Variants in TRMT9B observed in about 807,000 individuals in gnomAD.
The protein encoded by TRMT9B is tRNA methyltransferase 9B (putative).
In TRMT9B, 16 loss-of-function variants were observed where a neutral mutation model predicts 11.5. The ratio of observed to expected loss-of-function variants is 1.39; its 90% CI spans 0.94 to 2.11. The LOEUF is 2.11. TRMT9B is among the 30% of genes most tolerant of loss of function. The probability of loss-of-function intolerance (pLI) is 0.00; values close to 1 mark genes in which losing one functional copy is unlikely to be tolerated. For synonymous variants in TRMT9B, 274 were observed against 192.4 expected (o/e 1.42, Z -3.51); for missense variants, 941 against 553.8 (o/e 1.70, Z -7.02).
intron 3 of TRMT9B, chr8:13,006,841 G>C (rs1041492590): frequency 9.1e-6 from 2 of 220,086 alleles, no homozygotes; most frequent in African/African-American, 2.3e-5. Context: ...GCTAATTTTT[G>C]TATTTTTAGT....
intron 4 of TRMT9B, among the ~76,000 whole-genome samples, chr8:13,014,930 G>A (rs1220415898): frequency 6.6e-6 from 1 of 151,944 alleles, no homozygotes; most frequent in Non-Finnish European, 1.5e-5. Context: ...GCATGGTGGT[G>A]AGCACTTGTA....
intron 4 of TRMT9B, among the ~76,000 whole-genome samples, chr8:13,015,144 G>T (rs1311123863): frequency 6.6e-6 from 1 of 151,410 alleles, no homozygotes; most frequent in Non-Finnish European, 1.5e-5. Context: ...GTCTTCTTTT[G>T]TCTACACTCA....
chr8:13,018,026 A>G (rs1010003239), intron 4 of TRMT9B, among the ~76,000 whole-genome samples: 1 of 151,062 alleles, frequency 6.6e-6, no homozygotes, highest in African/African-American at 2.4e-5. Context: ...CCTGGGTGAA[A>G]TTATGCTGTT....
chr8:12,987,607 A>G (rs796247205), intron 1 of TRMT9B, among the ~76,000 whole-genome samples: 13 of 152,096 alleles, frequency 8.5e-5, no homozygotes, highest in African/African-American at 3.1e-4. Flanking sequence ...CAGGAGGATC[A>G]TTTGCACCTG....
At position 13,012,935 on chromosome 8, in the gene TRMT9B, A is replaced by G. The variant is rs1382491664; in HGVS notation, c.328+78A>G. ...GTTTAGTCCGTTCTCATGACTCAAC[A>G]TCCGTTCTGTGTAGAAATGTCAATG... On this transcript the variant is annotated intron_variant, in intron 4 of 4. Coordinates refer to ENST00000524591, the MANE Select transcript of TRMT9B (RefSeq NM_020844.3). The G allele has an allele frequency of 2.7e-6, 4 of 1,493,270 alleles. No individual in the cohort carries two copies. In the African/African-American group the frequency reaches 4.2e-5, roughly 16 times the overall value. 92.5% of individuals were successfully genotyped at this position (1,493,270 alleles called of 1,614,324 possible).
Position 12,969,105 on chromosome 8 carries a change from C to T in TRMT9B, c.-199-21729C>T, listed in dbSNP as rs145607736. On this transcript the variant is annotated intron_variant, in intron 1 of 4. Coordinates refer to ENST00000524591, the MANE Select transcript of TRMT9B (RefSeq NM_020844.3). ...GCATGCACCTGTAATTCTAGCTACT[C>T]GGGAGGCTGAGGCAGGAGAATCGCT... Among the ~76,000 whole-genome samples the T allele has an allele frequency of 4.2e-3, 645 of 152,178 alleles. 4 individuals carry two copies. Among genetic ancestry groups the T allele is most frequent in the African/African-American group, 0.015 (624 of 41,528 alleles).
intron 1 of TRMT9B, among the ~76,000 whole-genome samples, chr8:12,957,211 G>A (rs559803066): frequency 6.6e-6 from 1 of 152,186 alleles, no homozygotes; most frequent in Non-Finnish European, 1.5e-5. Context: ...GCAACAAAAA[G>A]GTAGCCAAGA....
chr8:12,959,288 A>G (rs1488903203), intron 1 of TRMT9B, among the ~76,000 whole-genome samples: 1 of 152,122 alleles, frequency 6.6e-6, no homozygotes, highest in Non-Finnish European at 1.5e-5. Flanking sequence ...GAAAAATCCC[A>G]CACCTGACTT....
chr8:12,978,421 A>G (rs1280434272), intron 1 of TRMT9B, among the ~76,000 whole-genome samples: 1 of 152,088 alleles, frequency 6.6e-6, no homozygotes, highest in Non-Finnish European at 1.5e-5. Context: ...GCTTTTCTTT[A>G]CCTACAACTG....
chr8:12,966,347 A>G (rs2128865897), intron 1 of TRMT9B, among the ~76,000 whole-genome samples: 1 of 152,268 alleles, frequency 6.6e-6, no homozygotes, highest in South Asian at 2.1e-4. Flanking sequence ...GTGGATGCAG[A>G]CACTTTGTTA....
intron 3 of TRMT9B, chr8:13,011,717 C>G: frequency 1.0e-6 from 1 of 975,412 alleles, no homozygotes; most frequent in South Asian, 4.7e-5. Flanking sequence ...GTCTCTGCTA[C>G]TGGAAAGTGA....
chr8:12,974,491 T>A (rs185862161), intron 1 of TRMT9B, among the ~76,000 whole-genome samples: 2 of 152,154 alleles, frequency 1.3e-5, no homozygotes, highest in Admixed American at 1.3e-4. Flanking sequence ...TGCCTGAATT[T>A]CATTCAAGGG....
chr8:12,949,327 C>A (rs995716701), intron 1 of TRMT9B, among the ~76,000 whole-genome samples: 10 of 152,130 alleles, frequency 6.6e-5, no homozygotes, highest in Non-Finnish European at 1.3e-4. Context: ...CCCATGTGTA[C>A]ACCCAGCATC....
chr8:13,019,345 G>T (rs888302475), intron 4 of TRMT9B, among the ~76,000 whole-genome samples: 1 of 152,208 alleles, frequency 6.6e-6, no homozygotes, highest in Non-Finnish European at 1.5e-5. Context: ...AGACTGGACT[G>T]CAGTGGCATG....
At position 13,022,614 on chromosome 8, in the gene TRMT9B, A is replaced by G. The variant is rs1814140703; in HGVS notation, c.*570A>G. ...GAGAGAAACAAGAAGTTTTACAAGGACTTTACTAAATTATAAGCAAACTTG... is the reference window on the plus strand; with the variant it reads ...GAGAGAAACAAGAAGTTTTACAAGGGCTTTACTAAATTATAAGCAAACTTG... On this transcript the variant is annotated 3_prime_UTR_variant, in exon 5 of 5. Transcript: ENST00000524591. 2 of 167,138 alleles carry G rather than the reference A, an allele frequency of 1.2e-5. No individual in the cohort carries two copies. Among genetic ancestry groups the G allele is most frequent in the Admixed American group, 6.5e-5 (1 of 15,296 alleles). 10.4% of individuals were successfully genotyped at this position (167,138 alleles called of 1,614,324 possible). A position where few individuals can be genotyped will look rare whatever the true frequency, so the allele number is the denominator to read the frequency against.
At chr8:12,954,224 A>G (rs1256006775) in intron 1 of TRMT9B, among the ~76,000 whole-genome samples, 1 of 152,226 alleles carries the variant, frequency 6.6e-6, no homozygotes, top group East Asian at 1.9e-4. Flanking sequence ...TGGAGATTGC[A>G]GGGGTTGTAA....
At chr8:13,013,589 T>C (rs1242309466) in intron 4 of TRMT9B, among the ~76,000 whole-genome samples, 1 of 152,198 alleles carries the variant, frequency 6.6e-6, no homozygotes, top group Non-Finnish European at 1.5e-5. Flanking sequence ...CAAGGTTTTT[T>C]TTGTTTGTTT....
rs764451184 is a variant in TRMT9B, at chr8:13,025,169, G to A, written c.*3125G>A. On this transcript the variant is annotated 3_prime_UTR_variant, in exon 5 of 5. Coordinates refer to ENST00000524591, the MANE Select transcript of TRMT9B (RefSeq NM_020844.3). ...CTTTACTTACTGGCATCAGCACAGA[G>A]TCCCACTATCTGAAATAGAAGGGAG... 6.0e-6 allele frequency: 1 copy of A among 167,038 alleles called. No homozygotes were observed. The highest frequency in any genetic ancestry group is 2.4e-5 in the African/African-American group (1 of 41,410). 10.3% of individuals were successfully genotyped at this position (167,038 alleles called of 1,614,324 possible).
At chr8:12,952,762 C>A in intron 1 of TRMT9B, 2 of 838,884 alleles carry the variant, frequency 2.4e-6, no homozygotes, top group Non-Finnish European at 2.9e-6. Flanking sequence ...TGTTGTTTGA[C>A]GGAGTCTCTC....
Sources: allele counts gnomAD v4.1 joint callset (sites outside exome capture counted in the v4.1 genomes callset), GRCh38; gene constraint gnomAD v4.1.1; transcripts MANE v1.5; gene names NCBI Gene and HGNC (gene_info 2026-07-23, HGNC 2026-07-21).